TRAF3IP1: variants seen among roughly 807,000 people sequenced by gnomAD.
TRAF3IP1 encodes the protein intraflagellar transport 54.
Under a neutral mutation model 89.9 loss-of-function variants are expected in TRAF3IP1, and 53 were observed. The ratio of observed to expected loss-of-function variants is 0.59; its 90% CI spans 0.47 to 0.74. The LOEUF is 0.74. Among genes scored for constraint, TRAF3IP1 ranks in the 30% least tolerant of loss-of-function variants. TRAF3IP1 has a pLI of 0.00. For synonymous variants in TRAF3IP1, 311 were observed against 322.1 expected, an observed-to-expected ratio of 0.97 and a Z score of 0.37; for missense variants, 806 against 866.1, an observed-to-expected ratio of 0.93 and a Z score of 0.87.
At chr2:238,331,515 A>G (rs1698123315) in intron 5 of TRAF3IP1, among the ~76,000 whole-genome samples, 1 of 152,196 alleles carries the variant, frequency 6.6e-6, no homozygotes, top group Non-Finnish European at 1.5e-5. Flanking sequence ...TTAGAGGCTG[A>G]TATTTGGGAA....
Position 238,351,866 on chromosome 2 carries a change from T to TGTGTGTGTGTGC in TRAF3IP1, c.1452-960_1452-959insTGTGTGTGTGCG, listed in dbSNP as rs1421537563. 1.6e-3 allele frequency among the ~76,000 whole-genome samples: 208 copies of TGTGTGTGTGTGC among 128,222 alleles called. 2 individuals carry two copies. Among genetic ancestry groups the TGTGTGTGTGTGC allele is most frequent in the African/African-American group, 6.5e-3 (192 of 29,460 alleles). 84.1% of individuals were successfully genotyped at this position (128,222 alleles called of 152,430 possible). ...GTGTGTGTGTGTGTGTGTGTGTGTG[T>TGTGTGTGTGTGC]GCGCGCGCGCGCGTGTGCGTGCATG... On this transcript the variant is annotated intron_variant, in intron 12 of 16. Coordinates refer to ENST00000373327, the MANE Select transcript of TRAF3IP1 (RefSeq NM_015650.4). The surrounding 1 kb of genome is among the most constrained non-coding windows in gnomAD (Gnocchi z 5.2).
intron 9 of TRAF3IP1, chr2:238,347,184 C>G: frequency 2.5e-6 from 1 of 403,780 alleles, no homozygotes; most frequent in East Asian, 4.5e-5. Flanking sequence ...AACTTCCTCT[C>G]CGATGTGCTT....
chr2:238,352,798 C>T, intron 12 of TRAF3IP1, 29 bp from the exon 13 acceptor site: 2 of 1,585,806 alleles, frequency 1.3e-6, no homozygotes, highest in South Asian at 1.2e-5. Context: ...ATGTGTAATT[C>T]TAATTTAATC....
chr2:238,356,049 A>T lies in TRAF3IP1; in HGVS notation c.1658A>T (p.Lys553Ile). The T allele has an allele frequency of 2.5e-6, 4 of 1,613,892 alleles. No individual in the cohort carries two copies. The highest frequency in any genetic ancestry group is 3.4e-6 in the Non-Finnish European group (4 of 1,179,778). ...TTGGAGACGAAGAAAGATTATGAGA[A>T]ATTGCAGCAGTCACCCAAACCTGGG... Reference protein sequence around the residue: ...KILETKKDYEKLQQSPKPGEK... With the variant: ...KILETKKDYEILQQSPKPGEK... Residue 553 changes from lysine (K) to isoleucine (I), a missense_variant, in exon 15 of 17, where the codon AAA becomes ATA. Physicochemically the swap from Lys to Ile is moderately radical, Grantham distance 102. Coordinates refer to ENST00000373327, the MANE Select transcript of TRAF3IP1 (RefSeq NM_015650.4).
intron 15 of TRAF3IP1, among the ~76,000 whole-genome samples, chr2:238,359,136 G>T (rs1360307568): frequency 2.6e-5 from 4 of 152,206 alleles, no homozygotes; most frequent in Non-Finnish European, 5.9e-5. Context: ...TGGGGGTTAT[G>T]CCCAGGCTTA....
chr2:238,321,636 A>G (rs962377671), intron 1 of TRAF3IP1, among the ~76,000 whole-genome samples: 1 of 152,212 alleles, frequency 6.6e-6, no homozygotes, highest in African/African-American at 2.4e-5. Flanking sequence ...TAGAAATTGC[A>G]CAACAAACAT....
chr2:238,365,254 TACCTGAAAATTCTAC>T (rs1699825295), intron 15 of TRAF3IP1, among the ~76,000 whole-genome samples: 1 of 152,202 alleles, frequency 6.6e-6, no homozygotes, highest in African/African-American at 2.4e-5. Context: ...AATCTCTCCT[TACCTGAAAATTCTAC>T]ACCTGACAAC....
At position 238,398,742 on chromosome 2, in the gene TRAF3IP1, G is replaced by T. The variant is rs553523170; in HGVS notation, c.1911-12G>T. On this transcript the variant is annotated splice_polypyrimidine_tract_variant and intron_variant, in intron 16 of 16. Transcript: ENST00000373327. ...GAGAGAGTGATGAGCCGCTGGTTTT[G>T]TTCTCCCTCAGGATCACAGACTGTG... is the stretch of plus-strand genomic sequence containing the variant. 1.9e-6 allele frequency: 3 copies of T among 1,564,704 alleles called. No homozygotes were observed. Among genetic ancestry groups the T allele is most frequent in the South Asian group, 2.4e-5 (2 of 83,104 alleles).
At chr2:238,383,984 C>T (rs995695488) in intron 15 of TRAF3IP1, among the ~76,000 whole-genome samples, 4 of 152,110 alleles carry the variant, frequency 2.6e-5, no homozygotes, top group African/African-American at 9.7e-5. Flanking sequence ...TATTTACTGC[C>T]GTCTTTGGGG....
intron 15 of TRAF3IP1, among the ~76,000 whole-genome samples, chr2:238,356,606 A>AG (rs956444433): frequency 9.2e-5 from 14 of 151,912 alleles, no homozygotes; most frequent in African/African-American, 3.1e-4. Context: ...CCGTCTTGGG[A>AG]GGGGGCAGCG....
At chr2:238,366,882 G>A (rs1395255593) in intron 15 of TRAF3IP1, among the ~76,000 whole-genome samples, 2 of 152,118 alleles carry the variant, frequency 1.3e-5, no homozygotes, top group Non-Finnish European at 2.9e-5. Flanking sequence ...AATTAGTGGA[G>A]GCTGGGTGTG....
chr2:238,328,125 T>C (rs914581668), intron 3 of TRAF3IP1, among the ~76,000 whole-genome samples: 4 of 152,228 alleles, frequency 2.6e-5, no homozygotes, highest in Non-Finnish European at 5.9e-5. Context: ...TTGGGTCATA[T>C]GGTAAATCTG....
chr2:238,323,081 ATTTTTTT>A (rs35469985), intron 1 of TRAF3IP1, among the ~76,000 whole-genome samples: 2 of 147,606 alleles, frequency 1.4e-5, no homozygotes. Flanking sequence ...ATTGTTCACA[ATTTTTTT>A]TTTTTTTTTA....
chr2:238,349,714 A>G (rs1228777029), intron 12 of TRAF3IP1, among the ~76,000 whole-genome samples: 1 of 152,232 alleles, frequency 6.6e-6, no homozygotes, highest in East Asian at 1.9e-4. Flanking sequence ...GAATTAGGAA[A>G]AAATAGGGGA....
intron 15 of TRAF3IP1, among the ~76,000 whole-genome samples, chr2:238,359,475 G>GT (rs1239283493): frequency 1.1e-4 from 17 of 150,872 alleles, no homozygotes; most frequent in Middle Eastern, 3.4e-3. Flanking sequence ...ACTCTTTGAG[G>GT]TTTTTTTTTC....
intron 2 of TRAF3IP1, 36 bp downstream of exon 2, chr2:238,325,410 G>C (rs771710670): frequency 6.2e-7 from 1 of 1,608,776 alleles, no homozygotes; most frequent in African/African-American, 1.3e-5. Flanking sequence ...TTGACTCCTC[G>C]CCTTAACGGA....
chr2:238,353,296 A>G, intron 14 of TRAF3IP1, 87 bp downstream of exon 14: 1 of 1,465,760 alleles, frequency 6.8e-7, no homozygotes, highest in Non-Finnish European at 9.5e-7. Flanking sequence ...ATCCAGTGCA[A>G]GGGACTGTTG....
chr2:238,381,973 A>G (rs183626220), intron 15 of TRAF3IP1, among the ~76,000 whole-genome samples: 1 of 152,342 alleles, frequency 6.6e-6, no homozygotes, highest in East Asian at 1.9e-4. Flanking sequence ...CTGTTACAGA[A>G]GCACACGGAT....
chr2:238,334,926 G>T (rs1421639705), intron 7 of TRAF3IP1, among the ~76,000 whole-genome samples: 2 of 152,174 alleles, frequency 1.3e-5, no homozygotes, highest in African/African-American at 4.8e-5. Flanking sequence ...TGTTGTTAAG[G>T]CATGCTGATT....
Sources: gnomAD v4.1 joint callset for allele counts (sites outside exome capture counted in the v4.1 genomes callset) on GRCh38, gnomAD v4.1.1 for gene constraint, Gnocchi (gnomAD v3.1) non-coding constraint, MANE v1.5 for transcripts, NCBI Gene and HGNC (gene_info 2026-07-23, HGNC 2026-07-21) for gene names.